TANC1: variants seen among roughly 807,000 people sequenced by gnomAD.
TANC1 encodes the protein protein TANC1.
In TANC1, 77 loss-of-function variants were observed where a neutral mutation model predicts 149.7. That is an observed-to-expected ratio of 0.51 (90% confidence interval 0.43 to 0.62). TANC1 has a LOEUF of 0.62. Among genes scored for constraint, TANC1 ranks in the 20% least tolerant of loss-of-function variants. TANC1 has a pLI of 0.00. For synonymous variants in TANC1, 854 were observed against 925.0 expected, an observed-to-expected ratio of 0.92 and a Z score of 1.39; for missense variants, 1,985 against 2,321.8, an observed-to-expected ratio of 0.85 and a Z score of 2.98.
chr2:159,007,240 T>A (rs561975126), intron 2 of TANC1, among the ~76,000 whole-genome samples: 1 of 142,742 alleles, frequency 7.0e-6, no homozygotes, highest in Non-Finnish European at 1.5e-5. Flanking sequence ...ACCGCCTCCC[T>A]GGTTCAAGCG....
chr2:159,187,079 C>T (rs1401634372), intron 16 of TANC1, 55 bp downstream of exon 16: 5 of 1,597,488 alleles, frequency 3.1e-6, no homozygotes, highest in Admixed American at 1.7e-5. Flanking sequence ...GGCTGCTGGC[C>T]GTTCCTCCAA....
At chr2:159,136,005 TG>T (rs1559325632) in intron 4 of TANC1, among the ~76,000 whole-genome samples, 188 bp from the exon 5 acceptor site, 15 of 34,188 alleles carry the variant, frequency 4.4e-4, no homozygotes, top group African/African-American at 1.7e-3. Flanking sequence ...TGAAATTTTG[TG>T]TGTGTGTGTG....
At chr2:159,007,272 T>C (rs1269904776) in intron 2 of TANC1, among the ~76,000 whole-genome samples, 1 of 148,314 alleles carries the variant, frequency 6.7e-6, no homozygotes, top group Non-Finnish European at 1.5e-5. Context: ...TCAGCCTCCC[T>C]AGTAGCTGGG....
At chr2:159,079,604 A>T (rs1483465090) in intron 3 of TANC1, among the ~76,000 whole-genome samples, 4 of 152,090 alleles carry the variant, frequency 2.6e-5, no homozygotes, top group African/African-American at 9.7e-5. Flanking sequence ...TGTCCTCTCC[A>T]TTGTGAAGAT....
chr2:159,016,726 C>G (rs758159900), intron 2 of TANC1, among the ~76,000 whole-genome samples: 46 of 152,040 alleles, frequency 3.0e-4, no homozygotes, highest in Non-Finnish European at 5.7e-4. Flanking sequence ...AGGTGCCCCC[C>G]ACCACGCCTG....
At chr2:159,057,395 G>A (rs1233906884) in intron 2 of TANC1, among the ~76,000 whole-genome samples, 2 of 152,206 alleles carry the variant, frequency 1.3e-5, no homozygotes, top group African/African-American at 4.8e-5. Flanking sequence ...TTGCCTTTGT[G>A]TCCCTTGTTG....
At chr2:159,214,480 T>G (rs2059217932) in intron 19 of TANC1, among the ~76,000 whole-genome samples, 1 of 152,218 alleles carries the variant, frequency 6.6e-6, no homozygotes, top group African/African-American at 2.4e-5. Context: ...AGGCCCCCTG[T>G]GCCCTCCACT....
At chr2:159,019,810 C>G (rs868393798) in intron 2 of TANC1, among the ~76,000 whole-genome samples, 1 of 151,300 alleles carries the variant, frequency 6.6e-6, no homozygotes, top group Non-Finnish European at 1.5e-5. Flanking sequence ...TTGATAGAGA[C>G]GGGGTTTCGA....
chr2:159,021,547 GAGTT>G (rs1309803522), intron 2 of TANC1, among the ~76,000 whole-genome samples: 2 of 152,034 alleles, frequency 1.3e-5, no homozygotes, highest in East Asian at 1.9e-4. Context: ...AGGTGGTAGT[GAGTT>G]AGGATCATGT....
intron 4 of TANC1, among the ~76,000 whole-genome samples, chr2:159,122,387 T>C (rs1368356092): frequency 6.6e-6 from 1 of 152,186 alleles, no homozygotes. Context: ...TATAACTGGG[T>C]ATCACTATTA....
chr2:159,054,771 A>G (rs1409812094), intron 2 of TANC1, among the ~76,000 whole-genome samples: 1 of 152,184 alleles, frequency 6.6e-6, no homozygotes, highest in East Asian at 1.9e-4. Context: ...AAAGCTTATC[A>G]CGCATACAGT....
chr2:159,075,773 A>C (rs1432704032), intron 3 of TANC1, among the ~76,000 whole-genome samples: 2 of 152,242 alleles, frequency 1.3e-5, no homozygotes, highest in Non-Finnish European at 1.5e-5. Context: ...CATTTAAAAA[A>C]CCGTCTGGAA....
chr2:159,051,211 C>T (rs1489508604), intron 2 of TANC1, among the ~76,000 whole-genome samples: 3 of 152,190 alleles, frequency 2.0e-5, no homozygotes, highest in Non-Finnish European at 4.4e-5. Context: ...CACACACTTA[C>T]ATTTAGGAAA....
intron 1 of TANC1, among the ~76,000 whole-genome samples, chr2:158,987,675 C>A (rs2035168754): frequency 6.6e-6 from 1 of 152,178 alleles, no homozygotes; most frequent in East Asian, 1.9e-4. Context: ...AGCTTTGAAG[C>A]CAGACAGACT....
At chr2:159,046,604 T>TC (rs1316491503) in intron 2 of TANC1, among the ~76,000 whole-genome samples, 2 of 141,158 alleles carry the variant, frequency 1.4e-5, no homozygotes, top group African/African-American at 5.3e-5. Context: ...TTTTTTTTTT[T>TC]TTTTTTTTTT....
chr2:159,081,351 A>T (rs1004610398), intron 3 of TANC1, among the ~76,000 whole-genome samples: 6 of 152,014 alleles, frequency 3.9e-5, no homozygotes, highest in African/African-American at 1.4e-4. Flanking sequence ...TGGGAAGGCC[A>T]GAAGTGCTGG....
At position 159,097,735 on chromosome 2, in the gene TANC1, G is replaced by A. The variant is rs369592002; in HGVS notation, c.160G>A (p.Val54Met). 3.1e-6 allele frequency: 5 copies of A among 1,613,970 alleles called. No homozygotes were observed. The highest frequency in any genetic ancestry group is 1.3e-5 in the African/African-American group (1 of 74,902). Residue 54 changes from valine to methionine, a missense_variant, in exon 4 of 27, where the codon GTG becomes ATG. This residue lies in a region of TANC1 where 557 missense variants were observed against 612.9 expected (regional missense o/e 0.91). Coordinates refer to ENST00000263635, the MANE Select transcript of TANC1 (RefSeq NM_033394.3). ...SLPTAEDTYR[V>M]SLAKGVSMSL... ...TCCCACAGCAGAGGACACCTATAGG[G>A]TGAGCTTGGCCAAAGGTGTCTCGAT...
chr2:158,985,279 G>A (rs1312767151), intron 1 of TANC1, among the ~76,000 whole-genome samples: 1 of 152,206 alleles, frequency 6.6e-6, no homozygotes, highest in African/African-American at 2.4e-5. Context: ...AGAAAAGGAA[G>A]CAAGCTCAAA....
At position 158,995,813 on chromosome 2, in the gene TANC1, T is replaced by C. The variant is rs543069785; in HGVS notation, c.-125-5267T>C. Among the ~76,000 whole-genome samples, 17 of 152,306 alleles carry C rather than the reference T, an allele frequency of 1.1e-4. No individual in the cohort carries two copies. In the East Asian group the frequency reaches 3.3e-3, roughly 29 times the overall value. On this transcript the variant is annotated intron_variant, in intron 1 of 26. Coordinates refer to ENST00000263635, the MANE Select transcript of TANC1 (RefSeq NM_033394.3). Reference sequence around the variant, plus strand: ...GACACCCACTGCCTTACCTACTGCCTTGGCCTTTTTGATGCTCATCTCGGA... The same window carrying C: ...GACACCCACTGCCTTACCTACTGCCCTGGCCTTTTTGATGCTCATCTCGGA...
Sources: allele counts gnomAD v4.1 joint callset (sites outside exome capture counted in the v4.1 genomes callset), GRCh38; gene constraint gnomAD v4.1.1; regional missense constraint gnomAD v4.1.1; transcripts MANE v1.5; gene names NCBI Gene and HGNC (gene_info 2026-07-23, HGNC 2026-07-21).